SOX13: variants seen among roughly 807,000 people sequenced by gnomAD.
The protein encoded by SOX13 is transcription factor SOX-13.
In SOX13, 28 loss-of-function variants were observed where a neutral mutation model predicts 71.8. That is an observed-to-expected ratio of 0.39 (90% CI 0.29 to 0.53). SOX13 has a LOEUF of 0.53. Among genes scored for constraint, SOX13 ranks in the 20% least tolerant of loss-of-function variants. SOX13 has a pLI of 0.70. For synonymous variants in SOX13, 309 were observed against 317.8 expected (o/e 0.97, Z 0.29); for missense variants, 627 against 810.3 (o/e 0.77, Z 2.75).
chr1:204,102,374 C>T (rs1656377881), intron 1 of SOX13, among the ~76,000 whole-genome samples: 1 of 152,160 alleles, frequency 6.6e-6, no homozygotes, highest in Admixed American at 6.5e-5. Context: ...TTGTGGGCTC[C>T]AGAGGAAATG....
chr1:204,095,814 G>A (rs1335175838), intron 1 of SOX13, among the ~76,000 whole-genome samples: 2 of 152,048 alleles, frequency 1.3e-5, no homozygotes, highest in Non-Finnish European at 2.9e-5. Context: ...TTCCCATTAA[G>A]CAATAGCGTC....
intron 1 of SOX13, among the ~76,000 whole-genome samples, chr1:204,082,408 G>T (rs746051655): frequency 4.6e-5 from 7 of 152,038 alleles, no homozygotes; most frequent in Non-Finnish European, 8.8e-5. Context: ...GAGTAGAATG[G>T]AAGAAAAAGG....
rs1571590027 is a variant in SOX13, at chr1:204,116,425, C to T, written c.419-82C>T. ...GACATAGCAATTGCTCAATAAGTTT[C>T]TGATGGATGGGTGGATAGATGGATG... On this transcript the variant is annotated intron_variant, in intron 4 of 13. Transcript: ENST00000367204. The T allele has an allele frequency of 8.1e-6, 13 of 1,611,224 alleles. No individual in the cohort carries two copies. The South Asian group carries it at 1.3e-4, about 16-fold the overall frequency.
At chr1:204,078,712 G>A (rs540083847) in intron 1 of SOX13, among the ~76,000 whole-genome samples, 6 of 152,276 alleles carry the variant, frequency 3.9e-5, no homozygotes, top group East Asian at 3.9e-4. Context: ...TCCCTGCCCC[G>A]AAGCAGGAAG....
At chr1:204,101,827 A>T (rs1349690019) in intron 1 of SOX13, among the ~76,000 whole-genome samples, 1 of 152,188 alleles carries the variant, frequency 6.6e-6, no homozygotes, top group East Asian at 1.9e-4. Flanking sequence ...CCTAATCTAG[A>T]TGACAATGGT....
intron 1 of SOX13, among the ~76,000 whole-genome samples, chr1:204,088,121 C>T (rs1656061837): frequency 6.6e-6 from 1 of 152,194 alleles, no homozygotes; most frequent in Admixed American, 6.5e-5. Flanking sequence ...AGGGAACCAT[C>T]CTGAGACTGG....
chr1:204,126,653 C>A lies in SOX13; in HGVS notation c.*519C>A. The A allele has an allele frequency of 5.7e-6, 1 of 176,040 alleles. No individual in the cohort carries two copies. The allele number at this position is 176,040 out of a possible 1,614,324, so 10.9% of individuals were successfully genotyped here. ...GCCAAGCCTATTGTGCCTCTGGCTGCTGTATGTGTGCGCGTGCACGTGTGT... is the reference window on the plus strand; with the variant it reads ...GCCAAGCCTATTGTGCCTCTGGCTGATGTATGTGTGCGCGTGCACGTGTGT... On this transcript the variant is annotated 3_prime_UTR_variant, in exon 14 of 14. Coordinates refer to ENST00000367204, the MANE Select transcript of SOX13 (RefSeq NM_005686.3).
intron 1 of SOX13, among the ~76,000 whole-genome samples, chr1:204,099,036 C>G (rs1292730262): frequency 6.6e-6 from 1 of 152,194 alleles, no homozygotes; most frequent in East Asian, 1.9e-4. Flanking sequence ...CCCTTGACTT[C>G]CATTGTGGGA....
At position 204,096,632 on chromosome 1, in the gene SOX13, G is replaced by A. The variant is rs532120034; in HGVS notation, c.-1-16283G>A. On this transcript the variant is annotated intron_variant, in intron 1 of 13. Coordinates refer to ENST00000367204, the MANE Select transcript of SOX13 (RefSeq NM_005686.3). ...GGGTTTCACCATGTTGGCCAGGCTGGACTCGAACTCCTGACCTTGTGATCC... is the reference window on the plus strand; with the variant it reads ...GGGTTTCACCATGTTGGCCAGGCTGAACTCGAACTCCTGACCTTGTGATCC... 4.0e-5 allele frequency among the ~76,000 whole-genome samples: 6 copies of A among 150,828 alleles called. No individual in the cohort carries two copies. In the South Asian group the frequency reaches 1.3e-3, roughly 32 times the overall value.
intron 1 of SOX13, among the ~76,000 whole-genome samples, chr1:204,080,250 T>C (rs1655875105): frequency 1.3e-5 from 2 of 152,202 alleles, no homozygotes; most frequent in African/African-American, 4.8e-5. Flanking sequence ...TTAAATAGCC[T>C]TGGCATGAAG....
chr1:204,123,874 G>A lies in SOX13; in HGVS notation c.1375+70G>A. On this transcript the variant is annotated intron_variant, in intron 12 of 13. Transcript: ENST00000367204. The surrounding 1 kb of genome is among the most constrained non-coding windows in gnomAD (Gnocchi z 5.0). Reference sequence around the variant, plus strand: ...CAGGAGCCAGCTGGGTCTATTCAGGGCTTGCTTGGTGATATTCCATACTGT... The same window carrying A: ...CAGGAGCCAGCTGGGTCTATTCAGGACTTGCTTGGTGATATTCCATACTGT... The A allele has an allele frequency of 6.4e-7, 1 of 1,555,688 alleles. No homozygotes were observed. The highest frequency in any genetic ancestry group is 8.8e-7 in the Non-Finnish European group (1 of 1,133,626).
At chr1:204,102,403 G>T (rs1010731617) in intron 1 of SOX13, among the ~76,000 whole-genome samples, 2 of 152,220 alleles carry the variant, frequency 1.3e-5, no homozygotes, top group Non-Finnish European at 2.9e-5. Context: ...CATGAGTTCT[G>T]CAGAGCTTTT....
Position 204,126,166 on chromosome 1 carries a change from C to T in SOX13, c.*32C>T. The T allele has an allele frequency of 6.2e-7, 1 of 1,601,210 alleles. No homozygotes were observed. The highest frequency in any genetic ancestry group is 8.5e-7 in the Non-Finnish European group (1 of 1,171,030). On this transcript the variant is annotated 3_prime_UTR_variant, in exon 14 of 14. Transcript: ENST00000367204. ...CTGGGTGGGCCTGGCCCCTTCTCCT[C>T]TGGGGAAGACCTTGTCCCAACTCGA...
intron 1 of SOX13, among the ~76,000 whole-genome samples, chr1:204,087,876 T>A (rs754500144): frequency 1.8e-4 from 27 of 152,202 alleles, no homozygotes; most frequent in Non-Finnish European, 8.8e-5. Flanking sequence ...CTCCTCAGAT[T>A]TGGCAGATGA....
chr1:204,112,514 C>CAG (rs1656600358), intron 1 of SOX13, among the ~76,000 whole-genome samples: 1 of 110,274 alleles, frequency 9.1e-6, no homozygotes, highest in South Asian at 4.0e-4. Flanking sequence ...CACACACACA[C>CAG]ACACACACAC....
intron 1 of SOX13, among the ~76,000 whole-genome samples, chr1:204,102,908 C>T (rs1656389229): frequency 6.6e-6 from 1 of 152,058 alleles, no homozygotes; most frequent in African/African-American, 2.4e-5. Context: ...TTTCCATTAG[C>T]CACACCAGGA....
Position 204,114,339 on chromosome 1 carries a change from G to C in SOX13, c.238G>C (p.Gly80Arg), listed in dbSNP as rs1406386033. ...CTTGCAGGACTGTAGCTCTCCAGAG[G>C]GTAATGGGTCCCCAGAACCCAAGAG... is the stretch of plus-strand genomic sequence containing the variant. ...RGSWDCSSPE[G>R]NGSPEPKRPG... The change falls in exon 3 of 14, where the codon GGT becomes CGT. Residue 80 changes from glycine to arginine, a missense_variant. Coordinates refer to ENST00000367204, the MANE Select transcript of SOX13 (RefSeq NM_005686.3). 1 of 1,607,484 alleles carries C rather than the reference G, an allele frequency of 6.2e-7. No individual in the cohort carries two copies. The highest frequency in any genetic ancestry group is 8.5e-7 in the Non-Finnish European group (1 of 1,176,632).
At chr1:204,097,744 A>G (rs910644185) in intron 1 of SOX13, among the ~76,000 whole-genome samples, 2 of 152,196 alleles carry the variant, frequency 1.3e-5, no homozygotes, top group Non-Finnish European at 2.9e-5. Flanking sequence ...TTATGAATGA[A>G]AAACAAAACC....
intron 1 of SOX13, among the ~76,000 whole-genome samples, chr1:204,095,769 A>G (rs1465056248): frequency 6.6e-6 from 1 of 152,202 alleles, no homozygotes; most frequent in Non-Finnish European, 1.5e-5. Context: ...CCATCTGTCC[A>G]TGGAACTTTT....
Sources: allele counts gnomAD v4.1 joint callset (sites outside exome capture counted in the v4.1 genomes callset), GRCh38; gene constraint gnomAD v4.1.1; non-coding constraint Gnocchi (gnomAD v3.1); transcripts MANE v1.5; gene names NCBI Gene and HGNC (gene_info 2026-07-23, HGNC 2026-07-21).